ABTB3: variants seen among roughly 807,000 people sequenced by gnomAD.
ABTB3 encodes the protein ankyrin repeat and BTB domain containing 3, also known as ankyrin repeat- and BTB/POZ domain-containing protein 3.
At chr12:107,469,870 C>CTTTCTTTCTT in the ABTB3 span, among the ~76,000 whole-genome samples, 242 of 80,294 alleles carry the variant, frequency 3.0e-3, 1 homozygote, top group African/African-American at 0.014. Flanking sequence ...TCTTTCTTTT[C>CTTTCTTTCTT]TTTCTTTCTT....
At chr12:107,655,256 AAT>A in the ABTB3 span, among the ~76,000 whole-genome samples, 4,061 of 148,372 alleles carry the variant, frequency 0.027, 178 homozygotes, top group African/African-American at 0.094. Flanking sequence ...GCCTCTTTCA[AAT>A]ATATATATAT....
chr12:107,461,385 G>A, the ABTB3 span, among the ~76,000 whole-genome samples: 1 of 152,254 alleles, frequency 6.6e-6, no homozygotes, highest in African/African-American at 2.4e-5. Context: ...ATGGAAGAAG[G>A]CCACGTGATG....
chr12:107,375,292 C>T, the ABTB3 span, among the ~76,000 whole-genome samples: 5 of 152,008 alleles, frequency 3.3e-5, no homozygotes, highest in Admixed American at 6.5e-5. Context: ...GTGACATGTG[C>T]CTGTGATCCT....
chr12:107,457,540 G>A, the ABTB3 span, among the ~76,000 whole-genome samples: 1 of 152,190 alleles, frequency 6.6e-6, no homozygotes, highest in East Asian at 1.9e-4. Context: ...CTAATGGATG[G>A]GGTCTCTGGG....
chr12:107,344,086 G>A, the ABTB3 span, among the ~76,000 whole-genome samples: 560 of 152,218 alleles, frequency 3.7e-3, no homozygotes, highest in Non-Finnish European at 6.2e-3. Flanking sequence ...CAGTCTCAAG[G>A]TAGCCTCATG....
At chr12:107,609,007 AAAT>A in the ABTB3 span, among the ~76,000 whole-genome samples, 3,263 of 140,868 alleles carry the variant, frequency 0.023, 268 homozygotes, top group African/African-American at 0.091. Flanking sequence ...AAATAAAATA[AAAT>A]AAAGACACAG....
chr12:107,534,524 TAAAC>T, the ABTB3 span, among the ~76,000 whole-genome samples: 4 of 151,948 alleles, frequency 2.6e-5, no homozygotes, highest in Admixed American at 6.6e-5. Flanking sequence ...TTTGAAAAGA[TAAAC>T]AAAATTGACA....
At chr12:107,397,095 C>T in the ABTB3 span, among the ~76,000 whole-genome samples, 1 of 152,220 alleles carries the variant, frequency 6.6e-6, no homozygotes, top group Non-Finnish European at 1.5e-5. Flanking sequence ...GGATCGTCTT[C>T]TGTGCCTCCC....
At chr12:107,607,367 G>A in the ABTB3 span, among the ~76,000 whole-genome samples, 1 of 152,208 alleles carries the variant, frequency 6.6e-6, no homozygotes, top group East Asian at 1.9e-4. Context: ...TGATGCCATA[G>A]ACTGAAGTCA....
At chr12:107,518,777 C>T in the ABTB3 span, among the ~76,000 whole-genome samples, 2 of 152,216 alleles carry the variant, frequency 1.3e-5, no homozygotes, top group South Asian at 2.1e-4. Flanking sequence ...AATAAAATGT[C>T]GAGCAGGGTT....
the ABTB3 span, among the ~76,000 whole-genome samples, chr12:107,536,944 A>G: frequency 1.3e-5 from 2 of 152,222 alleles, no homozygotes; most frequent in South Asian, 4.1e-4. Context: ...TTATTGTAAC[A>G]CTATTTATAA....
chr12:107,471,615 A>T, the ABTB3 span, among the ~76,000 whole-genome samples: 1 of 152,134 alleles, frequency 6.6e-6, no homozygotes, highest in East Asian at 1.9e-4. Context: ...TTTGCCTGCA[A>T]TCTGTAACTT....
the ABTB3 span, among the ~76,000 whole-genome samples, chr12:107,526,681 C>T: frequency 6.6e-6 from 1 of 152,130 alleles, no homozygotes; most frequent in African/African-American, 2.4e-5. Flanking sequence ...TTCCTGTTGT[C>T]TTTTCACACT....
chr12:107,416,730 G>A, the ABTB3 span, among the ~76,000 whole-genome samples: 5 of 152,178 alleles, frequency 3.3e-5, no homozygotes, highest in Non-Finnish European at 5.9e-5. Context: ...GCACAATCAA[G>A]TGGTCCTACT....
the ABTB3 span, among the ~76,000 whole-genome samples, chr12:107,565,977 A>C: frequency 1.3e-5 from 2 of 152,180 alleles, no homozygotes; most frequent in Non-Finnish European, 2.9e-5. Context: ...TTAAAATCAC[A>C]AGCTTCCTTC....
At chr12:107,476,791 T>G in the ABTB3 span, among the ~76,000 whole-genome samples, 1 of 151,522 alleles carries the variant, frequency 6.6e-6, no homozygotes, top group African/African-American at 2.4e-5. Flanking sequence ...AGGGAATGTG[T>G]GTGTGTGAGG....
At chr12:107,578,015 A>T in the ABTB3 span, among the ~76,000 whole-genome samples, 1 of 152,206 alleles carries the variant, frequency 6.6e-6, no homozygotes, top group Non-Finnish European at 1.5e-5. Flanking sequence ...CTTAAAAAAA[A>T]AAAGTATAAA....
the ABTB3 span, among the ~76,000 whole-genome samples, chr12:107,619,629 C>T: frequency 6.6e-6 from 1 of 152,188 alleles, no homozygotes; most frequent in Non-Finnish European, 1.5e-5. Context: ...CCTATGCACT[C>T]AGAATCCCGA....
At chr12:107,331,530 C>T in the ABTB3 span, among the ~76,000 whole-genome samples, 1 of 152,152 alleles carries the variant, frequency 6.6e-6, no homozygotes, top group Non-Finnish European at 1.5e-5. Context: ...CCGGGGACAC[C>T]AGGCATTCAG....
Sources: gnomAD v4.1 joint callset for allele counts (sites outside exome capture counted in the v4.1 genomes callset) on GRCh38, gnomAD v4.1.1 for gene constraint, MANE v1.5 for transcripts, NCBI Gene and HGNC (gene_info 2026-07-23, HGNC 2026-07-21) for gene names.